Variants in RYR3 observed in about 807,000 individuals in gnomAD.
The protein encoded by RYR3 is brain ryanodine receptor-calcium release channel.
RYR3 carries 207 observed loss-of-function variants against 584.3 expected under a neutral mutation model. The observed-to-expected ratio is 0.35, with a 90% CI of 0.32 to 0.40. The LOEUF is 0.40. RYR3 is among the 10% of genes least tolerant of loss of function. The probability of loss-of-function intolerance (pLI) is 1.00; values close to 1 mark genes in which losing one functional copy is unlikely to be tolerated. For synonymous variants in RYR3, 2,416 were observed against 2,248.5 expected, an observed-to-expected ratio of 1.07 and a Z score of -2.11; for missense variants, 5,616 against 6,089.2, an observed-to-expected ratio of 0.92 and a Z score of 2.59.
intron 1 of RYR3, among the ~76,000 whole-genome samples, chr15:33,315,514 G>A (rs989168031): frequency 6.6e-6 from 1 of 152,166 alleles, no homozygotes; most frequent in African/African-American, 2.4e-5. Flanking sequence ...GCTGAGTTAT[G>A]TTTGAGGATT....
chr15:33,501,070 ACT>A (rs934826367), intron 2 of RYR3, among the ~76,000 whole-genome samples: 6 of 152,014 alleles, frequency 3.9e-5, no homozygotes, highest in Non-Finnish European at 8.8e-5. Context: ...CTGCCAGGAA[ACT>A]CTGTAAACTA....
chr15:33,840,822 T>C lies in RYR3; in HGVS notation c.12979-3T>C. On this transcript the variant is annotated splice_region_variant and splice_polypyrimidine_tract_variant and intron_variant, in intron 89 of 103. Transcript: ENST00000634891. ...AGCTTGACTAATTGTTATTTTTGTC[T>C]AGGCAGCAGAAATGAAAGCAGCAAA... is the stretch of plus-strand genomic sequence containing the variant. 1 of 1,613,830 alleles carries C rather than the reference T, an allele frequency of 6.2e-7. No homozygotes were observed. The highest frequency in any genetic ancestry group is 1.3e-5 in the African/African-American group (1 of 75,052).
At chr15:33,578,783 AAC>A (rs1555536896) in intron 12 of RYR3, among the ~76,000 whole-genome samples, 37 of 37,076 alleles carry the variant, frequency 1.0e-3, no homozygotes, top group African/African-American at 3.0e-3. Flanking sequence ...AAAAAACAAC[AAC>A]AAAAAAAAAC....
chr15:33,628,383 G>A, intron 20 of RYR3, 88 bp from the exon 21 acceptor site: 1 of 855,662 alleles, frequency 1.2e-6, no homozygotes, highest in Non-Finnish European at 1.9e-6. Flanking sequence ...TGGGTGATGT[G>A]CCAATTCAAG....
intron 12 of RYR3, among the ~76,000 whole-genome samples, chr15:33,571,402 T>A (rs2058021736): frequency 6.6e-6 from 1 of 152,218 alleles, no homozygotes; most frequent in African/African-American, 2.4e-5. Flanking sequence ...AATCGGGTAT[T>A]GATGTTTCTG....
intron 58 of RYR3, 95 bp downstream of exon 58, chr15:33,755,275 G>A: frequency 2.5e-6 from 2 of 804,756 alleles, no homozygotes; most frequent in Middle Eastern, 3.7e-4. Context: ...TCATTTAGGT[G>A]CATGATTTTA....
In RYR3 at chr15:33,566,819, C is replaced by T; in HGVS notation, c.1268+20C>T. 6.2e-7 allele frequency: 1 copy of T among 1,613,414 alleles called. No homozygotes were observed. The highest frequency in any genetic ancestry group is 1.3e-5 in the African/African-American group (1 of 74,994). The stretch of plus-strand genomic sequence containing the variant: ...TGTCAGGTATGTTAGCTCCTTTCCT[C>T]CTCTACCTAGTGAGTTTGACTCTGT... On this transcript the variant is annotated intron_variant, in intron 12 of 103. Coordinates refer to ENST00000634891, the MANE Select transcript of RYR3 (RefSeq NM_001036.6).
At chr15:33,452,922 G>C (rs1596206340) in intron 1 of RYR3, among the ~76,000 whole-genome samples, 1 of 152,192 alleles carries the variant, frequency 6.6e-6, no homozygotes, top group Non-Finnish European at 1.5e-5. Context: ...CAATCTGTTA[G>C]GGTCAATGGA....
At chr15:33,842,642 G>A (rs754064493) in intron 91 of RYR3, among the ~76,000 whole-genome samples, 20 of 152,106 alleles carry the variant, frequency 1.3e-4, no homozygotes, top group Non-Finnish European at 2.5e-4. Context: ...GATTTTTCTG[G>A]GGAAGATGGC....
At chr15:33,362,536 C>A (rs1327904303) in intron 1 of RYR3, among the ~76,000 whole-genome samples, 2 of 152,194 alleles carry the variant, frequency 1.3e-5, no homozygotes, top group South Asian at 4.1e-4. Flanking sequence ...ATTAAATCTT[C>A]TGTTCAAGTG....
intron 1 of RYR3, among the ~76,000 whole-genome samples, chr15:33,319,943 A>G (rs538785344): frequency 1.3e-5 from 2 of 152,272 alleles, no homozygotes; most frequent in East Asian, 3.9e-4. Context: ...TCACAAATCT[A>G]AACACTTTGG....
chr15:33,513,746 C>A (rs774347464), intron 3 of RYR3, among the ~76,000 whole-genome samples: 1 of 152,080 alleles, frequency 6.6e-6, no homozygotes, highest in Non-Finnish European at 1.5e-5. Flanking sequence ...GACATTCTAG[C>A]CTTGGTATTC....
chr15:33,672,805 G>A (rs1443791676), intron 38 of RYR3, among the ~76,000 whole-genome samples: 3 of 152,198 alleles, frequency 2.0e-5, no homozygotes, highest in Admixed American at 1.3e-4. Context: ...TGAATTGGCA[G>A]TTTACTGAAT....
At chr15:33,360,604 A>T (rs1974626143) in intron 1 of RYR3, among the ~76,000 whole-genome samples, 1 of 152,208 alleles carries the variant, frequency 6.6e-6, no homozygotes, top group African/African-American at 2.4e-5. Context: ...GTCTTCCTGA[A>T]GACACACATT....
chr15:33,791,709 G>T (rs903871619), intron 67 of RYR3, among the ~76,000 whole-genome samples: 4 of 152,038 alleles, frequency 2.6e-5, no homozygotes, highest in African/African-American at 9.7e-5. Flanking sequence ...TAGGAAGGAA[G>T]TTGCATTTAA....
chr15:33,845,381 T>G (rs891797232), intron 93 of RYR3, among the ~76,000 whole-genome samples: 1 of 152,146 alleles, frequency 6.6e-6, no homozygotes, highest in Non-Finnish European at 1.5e-5. Flanking sequence ...GCCTCCCGAG[T>G]AGCTGGGATT....
At chr15:33,652,285 G>A (rs2062522827) in intron 31 of RYR3, among the ~76,000 whole-genome samples, 3 of 152,066 alleles carry the variant, frequency 2.0e-5, no homozygotes, top group Admixed American at 6.6e-5. Flanking sequence ...CTTTTGCCCT[G>A]GTTACCAGAC....
intron 94 of RYR3, chr15:33,851,040 G>A (rs574538591): frequency 6.6e-6 from 1 of 152,104 alleles, no homozygotes; most frequent in East Asian, 1.9e-4. Flanking sequence ...TTTTAGCATT[G>A]TTTGGGAACT....
chr15:33,719,420 G>A (rs2067738045), intron 43 of RYR3, among the ~76,000 whole-genome samples: 1 of 152,248 alleles, frequency 6.6e-6, no homozygotes, highest in Non-Finnish European at 1.5e-5. Context: ...GAAAGGCTAA[G>A]TTGAATTCAA....
Sources: allele counts gnomAD v4.1 joint callset (sites outside exome capture counted in the v4.1 genomes callset), GRCh38; gene constraint gnomAD v4.1.1; transcripts MANE v1.5; gene names NCBI Gene and HGNC (gene_info 2026-07-23, HGNC 2026-07-21).